The following CELSR1 variants were observed in gnomAD, a reference collection of about 807,000 sequenced individuals.
CELSR1 encodes the protein adhesion G protein-coupled receptor C1.
In CELSR1, 110 loss-of-function variants were observed where a neutral mutation model predicts 249.1. The ratio of observed to expected loss-of-function variants is 0.44; its 90% CI spans 0.38 to 0.52. The LOEUF (loss-of-function observed/expected upper bound fraction) is 0.52, where lower values mean the gene tolerates loss of function less well. CELSR1 is among the 20% of genes least tolerant of loss of function. The pLI, the probability that CELSR1 is intolerant of heterozygous loss-of-function variation, is 0.00. For synonymous variants in CELSR1, 2,113 were observed against 1,900.0 expected (o/e 1.11, Z -2.92); for missense variants, 4,109 against 4,296.4 (o/e 0.96, Z 1.22).
intron 1 of CELSR1, among the ~76,000 whole-genome samples, chr22:46,525,862 C>A (rs1455475139): frequency 6.6e-6 from 1 of 152,246 alleles, no homozygotes; most frequent in East Asian, 1.9e-4. Flanking sequence ...CCTTCAGCAG[C>A]GACACTGGGG....
At chr22:46,405,833 CG>C (rs1029348668) in intron 9 of CELSR1, among the ~76,000 whole-genome samples, 1 of 152,120 alleles carries the variant, frequency 6.6e-6, no homozygotes, top group Non-Finnish European at 1.5e-5. Flanking sequence ...CACAGGCCCA[CG>C]GGAGGCCTGC....
chr22:46,398,647 G>A lies in CELSR1; in HGVS notation c.5413-10C>T. ...CGATATCTGCCTTGTTCTGTGCGGA[G>A]AGAGGGGCCGGGGATCTGGGGGCTG... On this transcript the variant is annotated splice_polypyrimidine_tract_variant and intron_variant, in intron 10 of 34. Transcript: ENST00000674500. The surrounding 1 kb of genome is among the most constrained non-coding windows in gnomAD (Gnocchi z 7.2). 1 of 1,601,944 alleles carries A rather than the reference G, an allele frequency of 6.2e-7. No homozygotes were observed. The highest frequency in any genetic ancestry group is 8.5e-7 in the Non-Finnish European group (1 of 1,173,770).
rs1185141014 is a variant in CELSR1 at position 46,399,104 on chromosome 22, G to A, written c.5413-467C>T. Among the ~76,000 whole-genome samples the A allele has an allele frequency of 1.3e-5, 2 of 152,220 alleles. No homozygotes were observed. Among genetic ancestry groups the A allele is most frequent in the African/African-American group, 2.4e-5 (1 of 41,460 alleles). On this transcript the variant is annotated intron_variant, in intron 10 of 34. Coordinates refer to ENST00000674500, the MANE Select transcript of CELSR1 (RefSeq NM_001378328.1). The surrounding 1 kb of genome is among the most constrained non-coding windows in gnomAD (Gnocchi z 5.0). ...TACTCCCAGGTCTGTGTTGTAAGAT[G>A]AGCCTTGGCTCCAAGAGCTCTTGGA...
chr22:46,409,236 G>C lies in CELSR1; in HGVS notation c.5060-74C>G, dbSNP rs546154057. 561 of 1,507,314 alleles carry C rather than the reference G, an allele frequency of 3.7e-4. 4 individuals are homozygous for C. The South Asian group carries it at 6.0e-3, about 16-fold the overall frequency. 93.4% of individuals were successfully genotyped at this position (1,507,314 alleles called of 1,614,324 possible). On this transcript the variant is annotated intron_variant, in intron 8 of 34. Coordinates refer to ENST00000674500, the MANE Select transcript of CELSR1 (RefSeq NM_001378328.1). The surrounding 1 kb of genome is among the most constrained non-coding windows in gnomAD (Gnocchi z 9.8). ...CCGCGGACTTGGCTGCAGGGGCGGG[G>C]GATGGGCCTGCAGGCTAGGCCTGGG...
chr22:46,460,391 G>A (rs1158896510), intron 2 of CELSR1, among the ~76,000 whole-genome samples: 1 of 152,210 alleles, frequency 6.6e-6, no homozygotes, highest in South Asian at 2.1e-4. Context: ...TCTCAGAGCA[G>A]GTGTACAGCT....
At chr22:46,404,888 A>G (rs1201458472) in intron 9 of CELSR1, among the ~76,000 whole-genome samples, 2 of 152,042 alleles carry the variant, frequency 1.3e-5, no homozygotes, top group African/African-American at 4.8e-5. Context: ...ACAGTGGTAT[A>G]ACCTTGGCTC....
intron 1 of CELSR1, chr22:46,481,584 G>T: frequency 1.2e-6 from 1 of 802,876 alleles, no homozygotes; most frequent in Non-Finnish European, 2.1e-6. Context: ...GGCACTCGAT[G>T]CACTGGTGCA....
At chr22:46,453,265 C>G (rs1358175397) in intron 2 of CELSR1, among the ~76,000 whole-genome samples, 1 of 152,190 alleles carries the variant, frequency 6.6e-6, no homozygotes, top group Non-Finnish European at 1.5e-5. Context: ...CAACTACGAA[C>G]AGCAGCATGC....
chr22:46,485,071 T>G (rs927915976), intron 1 of CELSR1, among the ~76,000 whole-genome samples: 1 of 152,110 alleles, frequency 6.6e-6, no homozygotes, highest in Non-Finnish European at 1.5e-5. Flanking sequence ...GGAAGAAACC[T>G]GAGAGAAAGA....
intron 1 of CELSR1, among the ~76,000 whole-genome samples, chr22:46,495,931 T>C (rs1348204868): frequency 2.6e-5 from 4 of 151,708 alleles, no homozygotes; most frequent in Non-Finnish European, 4.4e-5. Flanking sequence ...TGGTGGCTCA[T>C]GCCTGTAATC....
At chr22:46,478,258 G>A (rs567076322) in intron 1 of CELSR1, among the ~76,000 whole-genome samples, 9 of 152,294 alleles carry the variant, frequency 5.9e-5, no homozygotes, top group African/African-American at 1.7e-4. Flanking sequence ...AGATTGACAC[G>A]GGCTGGGCCA....
intron 2 of CELSR1, among the ~76,000 whole-genome samples, chr22:46,450,661 C>T (rs535851726): frequency 4.5e-4 from 68 of 152,342 alleles, no homozygotes; most frequent in African/African-American, 1.5e-3. Flanking sequence ...GAGTGCACCT[C>T]ACTGCCTTCC....
rs1405055300 is a variant in CELSR1, at chr22:46,472,745, G to A, written c.3545-8400C>T. Among the ~76,000 whole-genome samples the A allele has an allele frequency of 6.6e-6, 1 of 152,188 alleles. No individual in the cohort carries two copies. Among genetic ancestry groups the A allele is most frequent in the African/African-American group, 2.4e-5 (1 of 41,458 alleles). ...GGTGTTGGCGGGGTTTGTTCCTCCTGGAGGCTCAGGGGAGGGTCTGTTCCG... is the reference window on the plus strand; with the variant it reads ...GGTGTTGGCGGGGTTTGTTCCTCCTAGAGGCTCAGGGGAGGGTCTGTTCCG... On this transcript the variant is annotated intron_variant, in intron 1 of 34. Transcript: ENST00000674500. The surrounding 1 kb of genome is among the most constrained non-coding windows in gnomAD (Gnocchi z 7.0).
chr22:46,361,426 CAAA>C lies in CELSR1; in HGVS notation c.*1794_*1796del, dbSNP rs1490897745. On this transcript the variant is annotated 3_prime_UTR_variant, in exon 35 of 35. Transcript: ENST00000674500. ...GTGGAGTACGTGGAAAAAAATAGAA[CAAA>C]AAAATTACACCTCAGGGGGCAGAAT... 6.6e-6 allele frequency: 1 copy of C among 152,010 alleles called. No individual in the cohort carries two copies. The highest frequency in any genetic ancestry group is 1.5e-5 in the Non-Finnish European group (1 of 67,980). The allele number at this position is 152,010 out of a possible 1,614,324, so 9.4% of individuals were successfully genotyped here. A position where few individuals can be genotyped will look rare whatever the true frequency, so the allele number is the denominator to read the frequency against.
In CELSR1 at chr22:46,533,972, G is replaced by A. The variant is rs760767669; in HGVS notation, c.3199C>T (p.Arg1067Trp). ...TGCACCACCAGCACATACTCCCGCC[G>A]GACCTCAAAGTCCAGCTCCACCATG... The part of the protein sequence containing the change: ...RAMVELDFEV[R>W]REYVLVVQAT... Residue 1067 changes from arginine (R) to tryptophan (W), a missense_variant, in exon 1 of 35, where the codon CGG becomes TGG. This residue lies in a region of CELSR1 where 886 missense variants were observed against 896.5 expected (regional missense o/e 0.99). Transcript: ENST00000674500. 7.4e-6 allele frequency: 12 copies of A among 1,613,354 alleles called. No homozygotes were observed. Among genetic ancestry groups the A allele is most frequent in the South Asian group, 2.2e-5 (2 of 91,084 alleles).
intron 32 of CELSR1, 89 bp from the exon 33 acceptor site, chr22:46,364,825 C>G: frequency 1.6e-6 from 2 of 1,287,812 alleles, no homozygotes; most frequent in Non-Finnish European, 2.1e-6. Flanking sequence ...CTCTGACCCA[C>G]CTCTCCCCAA....
At position 46,441,757 on chromosome 22, in the gene CELSR1, A is replaced by G. The variant is rs573479766; in HGVS notation, c.4184-2346T>C. The stretch of plus-strand genomic sequence containing the variant: ...ACCCATCCTGGGGCATAGGGCTTCA[A>G]TGTAGAAATTTATGAGGGCACCATT... On this transcript the variant is annotated intron_variant, in intron 2 of 34. Transcript: ENST00000674500. This position sits in a 1 kb window ranked among gnomAD's most constrained non-coding sequence, Gnocchi z 6.1. 1.2e-4 allele frequency among the ~76,000 whole-genome samples: 18 copies of G among 152,328 alleles called. No homozygotes were observed. The highest frequency in any genetic ancestry group is 6.5e-4 in the Admixed American group (10 of 15,308).
chr22:46,486,604 A>T lies in CELSR1; in HGVS notation c.3545-22259T>A, dbSNP rs1200089578. On this transcript the variant is annotated intron_variant, in intron 1 of 34. Transcript: ENST00000674500. Reference sequence around the variant, plus strand: ...ACGCCTGTAATCCCAGCACTTTGGGAGGCCAAGGCAGGAGGATCACCTGAG... The same window carrying T: ...ACGCCTGTAATCCCAGCACTTTGGGTGGCCAAGGCAGGAGGATCACCTGAG... Among the ~76,000 whole-genome samples the T allele has an allele frequency of 4.0e-5, 6 of 150,892 alleles. No individual in the cohort carries two copies. The East Asian group carries it at 1.2e-3, about 30-fold the overall frequency.
intron 2 of CELSR1, among the ~76,000 whole-genome samples, chr22:46,455,727 G>A (rs551446677): frequency 1.1e-4 from 17 of 152,292 alleles, no homozygotes; most frequent in African/African-American, 2.4e-4. Context: ...CTCCAGTGCT[G>A]GTGGGCTGTG....
Sources: allele counts gnomAD v4.1 joint callset (sites outside exome capture counted in the v4.1 genomes callset), GRCh38; gene constraint gnomAD v4.1.1; regional missense constraint gnomAD v4.1.1; non-coding constraint Gnocchi (gnomAD v3.1); transcripts MANE v1.5; gene names NCBI Gene and HGNC (gene_info 2026-07-23, HGNC 2026-07-21).